CDK14: variants seen among roughly 807,000 people sequenced by gnomAD.
The protein encoded by CDK14 is cyclin-dependent kinase 14.
In CDK14, 34 loss-of-function variants were observed where a neutral mutation model predicts 60.7. The observed-to-expected ratio is 0.56, with a 90% confidence interval of 0.43 to 0.75. The LOEUF is 0.75. Among genes scored for constraint, CDK14 ranks in the 30% least tolerant of loss-of-function variants. CDK14 has a pLI of 0.00. For missense variants in CDK14, 482 were observed against 564.1 expected (o/e 0.85, Z 1.47); for synonymous variants, 197 against 203.7 (o/e 0.97, Z 0.28).
chr7:90,757,287 C>G (rs1804116057), intron 4 of CDK14, among the ~76,000 whole-genome samples: 1 of 146,228 alleles, frequency 6.8e-6, no homozygotes, highest in South Asian at 2.2e-4. Context: ...CCCTTTCTGT[C>G]AGGACATGAG....
chr7:90,769,376 A>G (rs1194524882), intron 4 of CDK14, among the ~76,000 whole-genome samples: 1 of 152,118 alleles, frequency 6.6e-6, no homozygotes, highest in Admixed American at 6.5e-5. Flanking sequence ...TGAAAAGCAT[A>G]TCAGAATGCT....
intron 5 of CDK14, among the ~76,000 whole-genome samples, chr7:90,792,333 A>T (rs1447302911): frequency 6.6e-6 from 1 of 151,996 alleles, no homozygotes; most frequent in Non-Finnish European, 1.5e-5. Context: ...TCTCCATTTC[A>T]TATATCCACC....
chr7:90,999,224 A>G (rs1461249874), intron 10 of CDK14, among the ~76,000 whole-genome samples: 2 of 152,136 alleles, frequency 1.3e-5, no homozygotes, highest in Admixed American at 1.3e-4. Flanking sequence ...GTGGTGCCAA[A>G]ATAAGCAAAT....
At chr7:90,685,405 T>A (rs1801411174) in intron 2 of CDK14, among the ~76,000 whole-genome samples, 1 of 152,192 alleles carries the variant, frequency 6.6e-6, no homozygotes, top group Non-Finnish European at 1.5e-5. Flanking sequence ...CCAGTAAACA[T>A]TAGAATTACT....
At chr7:91,090,439 T>C (rs1798768080) in intron 12 of CDK14, among the ~76,000 whole-genome samples, 1 of 152,228 alleles carries the variant, frequency 6.6e-6, no homozygotes, top group African/African-American at 2.4e-5. Flanking sequence ...AAAATGTGGC[T>C]AGTGCAATTG....
intron 2 of CDK14, among the ~76,000 whole-genome samples, chr7:90,658,714 G>A (rs143953638): frequency 2.0e-4 from 31 of 152,254 alleles, no homozygotes; most frequent in African/African-American, 7.0e-4. Flanking sequence ...GGAGATATGG[G>A]TTGTTATCAT....
chr7:90,782,661 C>G (rs888591640), intron 4 of CDK14, among the ~76,000 whole-genome samples: 1 of 152,122 alleles, frequency 6.6e-6, no homozygotes, highest in Non-Finnish European at 1.5e-5. Context: ...CACACAGGCT[C>G]ATAGTCTCTC....
intron 5 of CDK14, among the ~76,000 whole-genome samples, chr7:90,817,773 A>T (rs1789403331): frequency 6.6e-6 from 1 of 152,186 alleles, no homozygotes; most frequent in South Asian, 2.1e-4. Flanking sequence ...TAAGATTGTA[A>T]GCCGTTAGGA....
intron 12 of CDK14, among the ~76,000 whole-genome samples, chr7:91,102,674 A>G (rs1010658092): frequency 2.6e-5 from 4 of 152,052 alleles, no homozygotes; most frequent in African/African-American, 9.7e-5. Context: ...TTTATAAGTT[A>G]ACCTTAAAAA....
At chr7:90,671,212 C>T (rs746871493) in intron 2 of CDK14, among the ~76,000 whole-genome samples, 2 of 151,900 alleles carry the variant, frequency 1.3e-5, no homozygotes, top group African/African-American at 2.4e-5. Flanking sequence ...CTATTTCCAG[C>T]GTTCAGGATT....
intron 8 of CDK14, among the ~76,000 whole-genome samples, chr7:90,920,996 A>G (rs952785660): frequency 1.1e-4 from 17 of 152,004 alleles, no homozygotes; most frequent in African/African-American, 3.1e-4. Flanking sequence ...CTTATTTTCT[A>G]TATGCATTTT....
chr7:90,981,712 G>A (rs1296102935), intron 9 of CDK14, among the ~76,000 whole-genome samples: 1 of 152,000 alleles, frequency 6.6e-6, no homozygotes, highest in Non-Finnish European at 1.5e-5. Flanking sequence ...TATGTTCGTG[G>A]TTTTATTAGA....
chr7:91,047,479 C>G (rs1008271885), intron 11 of CDK14, among the ~76,000 whole-genome samples: 2 of 152,156 alleles, frequency 1.3e-5, no homozygotes, highest in Non-Finnish European at 2.9e-5. Context: ...CTTCATGACA[C>G]CAGGGACTGT....
At chr7:90,935,542 A>G (rs1481120006) in intron 8 of CDK14, among the ~76,000 whole-genome samples, 1 of 152,210 alleles carries the variant, frequency 6.6e-6, no homozygotes, top group African/African-American at 2.4e-5. Flanking sequence ...GAACTCTTGA[A>G]ACATTTGCTT....
intron 2 of CDK14, among the ~76,000 whole-genome samples, chr7:90,640,093 C>T (rs1292045181): frequency 6.6e-6 from 1 of 152,156 alleles, no homozygotes; most frequent in South Asian, 2.1e-4. Flanking sequence ...GTGCCTCGCC[C>T]TGCTTCAGCT....
At chr7:91,060,918 C>G (rs1483676571) in intron 11 of CDK14, among the ~76,000 whole-genome samples, 1 of 152,138 alleles carries the variant, frequency 6.6e-6, no homozygotes, top group Non-Finnish European at 1.5e-5. Context: ...GTGGCATTCT[C>G]TGTATTTCCT....
intron 8 of CDK14, among the ~76,000 whole-genome samples, chr7:90,942,783 G>A (rs1345638274): frequency 6.6e-6 from 1 of 152,172 alleles, no homozygotes; most frequent in Non-Finnish European, 1.5e-5. Flanking sequence ...ACATCAAGAT[G>A]CAGGTTAATT....
At chr7:90,720,675 TTAACAG>T (rs1802416289) in intron 2 of CDK14, among the ~76,000 whole-genome samples, 2 of 152,224 alleles carry the variant, frequency 1.3e-5, no homozygotes, top group Admixed American at 6.5e-5. Flanking sequence ...ACTATACTTA[TTAACAG>T]TGTGGGTTTA....
rs1276542574 is a variant in CDK14, at chr7:90,736,752, G to GA, written c.369+9943dup. Among the ~76,000 whole-genome samples, 3 of 152,246 alleles carry GA rather than the reference G, an allele frequency of 2.0e-5. No homozygotes were observed. The East Asian group carries it at 5.8e-4, about 29-fold the overall frequency. ...GCATTGCAGCCACTGTTTTAATGAG[G>GA]AAAGCATTGTTTTTTGGAAATACTG... On this transcript the variant is annotated intron_variant, in intron 3 of 14. Transcript: ENST00000380050.
Sources: gnomAD v4.1 joint callset for allele counts (sites outside exome capture counted in the v4.1 genomes callset) on GRCh38, gnomAD v4.1.1 for gene constraint, MANE v1.5 for transcripts, NCBI Gene and HGNC (gene_info 2026-07-23, HGNC 2026-07-21) for gene names.